GBE1: variants seen among roughly 807,000 people sequenced by gnomAD.
GBE1 encodes 1,4-alpha-glucan branching enzyme 1, also known as 1,4-alpha-glucan-branching enzyme.
GBE1 carries 70 observed loss-of-function variants against 88.8 expected under a neutral mutation model. The observed-to-expected ratio is 0.79, with a 90% confidence interval of 0.65 to 0.96. The LOEUF is 0.96. Ranked by LOEUF, GBE1 falls within the 40% of genes least tolerant of loss-of-function variation. The probability of loss-of-function intolerance (pLI) is 0.00; values close to 1 mark genes in which losing one functional copy is unlikely to be tolerated. For missense variants in GBE1, 872 were observed against 871.0 expected, an observed-to-expected ratio of 1.00 and a Z score of -0.01; for synonymous variants, 284 against 300.1, an observed-to-expected ratio of 0.95 and a Z score of 0.56.
intron 12 of GBE1, among the ~76,000 whole-genome samples, chr3:81,545,818 C>G (rs1047125247): frequency 2.0e-5 from 3 of 152,060 alleles, no homozygotes; most frequent in African/African-American, 4.8e-5. Flanking sequence ...GTGACGTCCT[C>G]CTGCATCCCA....
intron 7 of GBE1, among the ~76,000 whole-genome samples, chr3:81,598,500 G>C (rs1230996372): frequency 6.6e-6 from 1 of 151,748 alleles, no homozygotes; most frequent in Non-Finnish European, 1.5e-5. Context: ...AAACTACCTG[G>C]TTTATTTTTT....
chr3:81,735,148 G>T (rs966109726), intron 1 of GBE1, among the ~76,000 whole-genome samples: 5 of 151,966 alleles, frequency 3.3e-5, no homozygotes, highest in African/African-American at 1.2e-4. Context: ...ATGGACATGG[G>T]GTGACAAATG....
At chr3:81,720,680 T>C (rs1706015202) in intron 1 of GBE1, among the ~76,000 whole-genome samples, 2 of 152,070 alleles carry the variant, frequency 1.3e-5, no homozygotes, top group Admixed American at 6.6e-5. Flanking sequence ...ATCAAGTTCC[T>C]CACCAAATGA....
chr3:81,493,681 C>T (rs1185725564), intron 15 of GBE1, among the ~76,000 whole-genome samples: 6 of 151,802 alleles, frequency 4.0e-5, no homozygotes, highest in South Asian at 4.1e-4. Flanking sequence ...TACAGGGATG[C>T]GCCACCACAC....
chr3:81,562,026 T>G (rs1703425757), intron 12 of GBE1, among the ~76,000 whole-genome samples: 2 of 152,100 alleles, frequency 1.3e-5, no homozygotes, highest in South Asian at 4.1e-4. Flanking sequence ...ATGCAGATCT[T>G]GAAGGTGAAA....
chr3:81,685,374 T>C (rs1705419192), intron 2 of GBE1, among the ~76,000 whole-genome samples: 1 of 152,096 alleles, frequency 6.6e-6, no homozygotes. Flanking sequence ...TCAAGGCTAA[T>C]TCCTTGATTC....
chr3:81,697,087 C>A (rs551226517), intron 2 of GBE1, among the ~76,000 whole-genome samples: 1 of 152,130 alleles, frequency 6.6e-6, no homozygotes, highest in Admixed American at 6.5e-5. Context: ...GACTGCCCCC[C>A]ACACCAGTAA....
At chr3:81,652,758 A>G (rs1704869158) in intron 3 of GBE1, among the ~76,000 whole-genome samples, 2 of 152,170 alleles carry the variant, frequency 1.3e-5, no homozygotes, top group Admixed American at 6.6e-5. Flanking sequence ...AATCTTCATA[A>G]CCAAATAAGA....
At chr3:81,555,992 G>A (rs1213391396) in intron 12 of GBE1, among the ~76,000 whole-genome samples, 1 of 152,048 alleles carries the variant, frequency 6.6e-6, no homozygotes, top group Non-Finnish European at 1.5e-5. Context: ...TCTTCCTTCT[G>A]GTTTAGAGCT....
chr3:81,572,183 A>C (rs1703585512), intron 12 of GBE1, among the ~76,000 whole-genome samples: 1 of 151,892 alleles, frequency 6.6e-6, no homozygotes, highest in Non-Finnish European at 1.5e-5. Context: ...CTTCCCCTTC[A>C]CCTTCTGCCT....
chr3:81,517,927 T>C (rs1427900875), intron 14 of GBE1, among the ~76,000 whole-genome samples: 2 of 151,384 alleles, frequency 1.3e-5, no homozygotes, highest in African/African-American at 2.4e-5. Flanking sequence ...CTATCAGAGA[T>C]TTAGCTCTCT....
In GBE1 at chr3:81,750,565, A is replaced by ATATATATATGTATATATATATG. The variant is rs1559708432; in HGVS notation, c.143+10809_143+10810insCATATATATATACATATATATA. Among the ~76,000 whole-genome samples the ATATATATATGTATATATATATG allele has an allele frequency of 3.1e-5, 2 of 63,676 alleles. 1 individual carries two copies. Among genetic ancestry groups the ATATATATATGTATATATATATG allele is most frequent in the African/African-American group, 1.9e-4 (2 of 10,428 alleles). The allele number at this position is 63,676 out of a possible 152,430, so 41.8% of individuals were successfully genotyped here. A position where few individuals can be genotyped will look rare whatever the true frequency, so the allele number is the denominator to read the frequency against. ...TATATATATATGTATATATATATGT[A>ATATATATATGTATATATATATG]TATATATATACGTATATATATACGT... On this transcript the variant is annotated intron_variant, in intron 1 of 15. Transcript: ENST00000429644.
chr3:81,585,643 T>A (rs552731917), intron 10 of GBE1, among the ~76,000 whole-genome samples: 1 of 152,164 alleles, frequency 6.6e-6, no homozygotes, highest in African/African-American at 2.4e-5. Flanking sequence ...GACTTTTTAA[T>A]GTTGAATAAA....
At chr3:81,498,016 T>C (rs1484487452) in intron 15 of GBE1, among the ~76,000 whole-genome samples, 1 of 152,152 alleles carries the variant, frequency 6.6e-6, no homozygotes, top group African/African-American at 2.4e-5. Flanking sequence ...TAAAGCTGTA[T>C]CAGTGTCATC....
chr3:81,631,584 A>T (rs1294581868), intron 7 of GBE1, among the ~76,000 whole-genome samples: 1 of 151,668 alleles, frequency 6.6e-6, no homozygotes. Context: ...AAATACAAAA[A>T]AAAAAACAAA....
At chr3:81,568,845 T>A (rs1703533517) in intron 12 of GBE1, among the ~76,000 whole-genome samples, 1 of 152,136 alleles carries the variant, frequency 6.6e-6, no homozygotes, top group Admixed American at 6.5e-5. Context: ...TGTGTGTATA[T>A]ATATACATAT....
rs1336708955 is a variant in GBE1, at chr3:81,694,540, C to T, written c.313+10904G>A. 5.9e-5 allele frequency among the ~76,000 whole-genome samples: 9 copies of T among 152,150 alleles called. No individual in the cohort carries two copies. In the East Asian group the frequency reaches 1.5e-3, roughly 26 times the overall value. Reference sequence around the variant, plus strand: ...TCTACTCTCCAGTCTTCCACTAGTGCTACCCACTAAACCAACTCAACAGAA... The same window carrying T: ...TCTACTCTCCAGTCTTCCACTAGTGTTACCCACTAAACCAACTCAACAGAA... On this transcript the variant is annotated intron_variant, in intron 2 of 15. Coordinates refer to ENST00000429644, the MANE Select transcript of GBE1 (RefSeq NM_000158.4).
chr3:81,648,885 C>T lies in GBE1; in HGVS notation c.662G>A (p.Cys221Tyr), dbSNP rs758320251. The T allele has an allele frequency of 5.1e-6, 8 of 1,575,634 alleles. No individual in the cohort carries two copies. Among genetic ancestry groups the T allele is most frequent in the Non-Finnish European group, 6.9e-6 (8 of 1,158,344 alleles). ...GKVASYKHFT[C>Y]NVLPRIKGLG... ...GCCTTTGATTCTTGGTAGTACATTG[C>T]ATGTAAAATGTTTATAAGAAGCTAC... The change falls in exon 5 of 16, where the codon TGC becomes TAC. Residue 221 changes from cysteine (C) to tyrosine (Y), a missense_variant. By Grantham distance (194) the Cys-to-Tyr change is radical (BLOSUM62 -2). Transcript: ENST00000429644.
At position 81,652,199 on chromosome 3, in the gene GBE1, C is replaced by T. The variant is rs72906239; in HGVS notation, c.430-2278G>A. 4.5e-3 allele frequency among the ~76,000 whole-genome samples: 691 copies of T among 152,320 alleles called. 7 individuals are homozygous for T. The highest frequency in any genetic ancestry group is 0.016 in the African/African-American group (657 of 41,568). On this transcript the variant is annotated intron_variant, in intron 3 of 15. Coordinates refer to ENST00000429644, the MANE Select transcript of GBE1 (RefSeq NM_000158.4). ...GTGAACCCAACGTGTGAGCAGCAGC[C>T]ATCTGGGTCATATAGTGTCACCCCT...
Sources: gnomAD v4.1 joint callset for allele counts (sites outside exome capture counted in the v4.1 genomes callset) on GRCh38, gnomAD v4.1.1 for gene constraint, MANE v1.5 for transcripts, NCBI Gene and HGNC (gene_info 2026-07-23, HGNC 2026-07-21) for gene names.